The following ATRNL1 variants were observed in gnomAD, a reference collection of about 807,000 sequenced individuals.
ATRNL1 encodes the protein attractin like 1, also known as attractin-like protein 1.
ATRNL1 carries 95 observed loss-of-function variants against 182.7 expected under a neutral mutation model. The observed-to-expected ratio is 0.52, with a 90% CI of 0.44 to 0.62. The LOEUF (loss-of-function observed/expected upper bound fraction) is 0.62. ATRNL1 is among the 20% of genes least tolerant of loss of function. The probability of loss-of-function intolerance (pLI) is 0.00; values close to 1 mark genes in which losing one functional copy is unlikely to be tolerated. For missense variants in ATRNL1, 1,471 were observed against 1,679.5 expected, an observed-to-expected ratio of 0.88 and a Z score of 2.17; for synonymous variants, 576 against 568.3, an observed-to-expected ratio of 1.01 and a Z score of -0.19.
chr10:115,154,571 C>T (rs1334331081), intron 5 of ATRNL1, among the ~76,000 whole-genome samples: 1 of 152,002 alleles, frequency 6.6e-6, no homozygotes, highest in East Asian at 1.9e-4. Flanking sequence ...GCAACCCCTG[C>T]CCTTTTTTGT....
At chr10:115,141,983 T>A (rs1554878191) in intron 5 of ATRNL1, among the ~76,000 whole-genome samples, 4 of 152,194 alleles carry the variant, frequency 2.6e-5, no homozygotes, top group African/African-American at 9.7e-5. Context: ...ACAGTTTCTT[T>A]TTTTGAGCTT....
intron 28 of ATRNL1, among the ~76,000 whole-genome samples, chr10:115,894,453 G>T (rs895090450): frequency 2.0e-5 from 3 of 152,026 alleles, no homozygotes; most frequent in Admixed American, 6.6e-5. Context: ...GCACCCAAGA[G>T]AATTTTTTTT....
In ATRNL1 at chr10:115,261,282, A is replaced by G. The variant is rs1189622046; in HGVS notation, c.1688-3911A>G. Reference sequence around the variant, plus strand: ...GAGTGAAATAAAATTATTTTTTAGAATTGCAGATTCTCAAAAATATACCTC... The same window carrying G: ...GAGTGAAATAAAATTATTTTTTAGAGTTGCAGATTCTCAAAAATATACCTC... On this transcript the variant is annotated intron_variant, in intron 10 of 28. Transcript: ENST00000355044. Among the ~76,000 whole-genome samples, 3 of 152,198 alleles carry G rather than the reference A, an allele frequency of 2.0e-5. 1 individual carries two copies. The highest frequency in any genetic ancestry group is 2.9e-5 in the Non-Finnish European group (2 of 68,016).
chr10:115,338,781 A>G (rs1298967324), intron 19 of ATRNL1, among the ~76,000 whole-genome samples: 2 of 152,092 alleles, frequency 1.3e-5, no homozygotes, highest in African/African-American at 4.8e-5. Context: ...CTTACAGGGT[A>G]TTGTCCAAGA....
chr10:115,431,846 G>T (rs1482447166), intron 21 of ATRNL1, among the ~76,000 whole-genome samples: 1 of 151,324 alleles, frequency 6.6e-6, no homozygotes, highest in Non-Finnish European at 1.5e-5. Context: ...TTTTTCTTTG[G>T]TTTTTTAAAA....
chr10:115,682,051 A>G (rs1946062851), intron 26 of ATRNL1, among the ~76,000 whole-genome samples: 1 of 152,094 alleles, frequency 6.6e-6, no homozygotes, highest in African/African-American at 2.4e-5. Flanking sequence ...TTTAGACTTG[A>G]TAGAGGTCTA....
intron 26 of ATRNL1, among the ~76,000 whole-genome samples, chr10:115,703,300 A>T (rs571973730): frequency 1.3e-5 from 2 of 152,042 alleles, no homozygotes; most frequent in Non-Finnish European, 2.9e-5. Context: ...CTCAAACTAT[A>T]AGAATCCTAG....
chr10:115,461,890 A>G (rs1554969745), intron 21 of ATRNL1, 51 bp from the exon 22 acceptor site: 31 of 1,346,262 alleles, frequency 2.3e-5, no homozygotes, highest in Non-Finnish European at 3.2e-5. Flanking sequence ...TTTGCTTTTT[A>G]GACAGTTTTT....
chr10:115,692,508 A>C (rs1216943865), intron 26 of ATRNL1, among the ~76,000 whole-genome samples: 1 of 152,136 alleles, frequency 6.6e-6, no homozygotes, highest in Non-Finnish European at 1.5e-5. Context: ...CGGGCCCTTA[A>C]AAGTTTAACT....
At chr10:115,391,059 G>A (rs1554954204) in intron 19 of ATRNL1, among the ~76,000 whole-genome samples, 3 of 152,140 alleles carry the variant, frequency 2.0e-5, no homozygotes, top group South Asian at 4.1e-4. Context: ...AATCTTTAGG[G>A]TTTTCTGTAG....
rs1554862960 is a variant in ATRNL1 at position 115,095,716 on chromosome 10, G to A, written c.293+1673G>A. ...TTGTTAGTTGTTTTTTTTTGCTTGTGTTCTTAAACGTTTGCTATGACAGTA... is the reference window on the plus strand; with the variant it reads ...TTGTTAGTTGTTTTTTTTTGCTTGTATTCTTAAACGTTTGCTATGACAGTA... On this transcript the variant is annotated intron_variant, in intron 1 of 28. Coordinates refer to ENST00000355044, the MANE Select transcript of ATRNL1 (RefSeq NM_207303.4). Among the ~76,000 whole-genome samples, 2 of 151,662 alleles carry A rather than the reference G, an allele frequency of 1.3e-5. 1 individual carries two copies. The highest frequency in any genetic ancestry group is 4.8e-5 in the African/African-American group (2 of 41,324).
At position 115,226,563 on chromosome 10, in the gene ATRNL1, G is replaced by GA. The variant is rs11376641; in HGVS notation, c.1532+10694dup. ...ACCAATGTCATTCTTCCCAGAATTAGAAAAAAAAAAACTATCCTAAAATTA... is the reference window on the plus strand; with the variant it reads ...ACCAATGTCATTCTTCCCAGAATTAGAAAAAAAAAAAACTATCCTAAAATTA... On this transcript the variant is annotated intron_variant, in intron 9 of 28. Coordinates refer to ENST00000355044, the MANE Select transcript of ATRNL1 (RefSeq NM_207303.4). 2.0e-3 allele frequency among the ~76,000 whole-genome samples: 289 copies of GA among 145,570 alleles called. 1 individual carries two copies. The highest frequency in any genetic ancestry group is 5.6e-3 in the African/African-American group (224 of 40,198).
At chr10:115,698,705 G>A (rs545554474) in intron 26 of ATRNL1, among the ~76,000 whole-genome samples, 2 of 151,796 alleles carry the variant, frequency 1.3e-5, no homozygotes, top group South Asian at 2.1e-4. Flanking sequence ...TTGAACCTGC[G>A]AGGCAGAGGT....
At chr10:115,568,151 C>T (rs140819379) in intron 26 of ATRNL1, among the ~76,000 whole-genome samples, 383 of 152,150 alleles carry the variant, frequency 2.5e-3, no homozygotes, top group Non-Finnish European at 4.7e-3. Context: ...CTGGCAGAAG[C>T]TATTGTCATA....
intron 26 of ATRNL1, among the ~76,000 whole-genome samples, chr10:115,596,014 G>A (rs549563809): frequency 3.3e-5 from 5 of 152,192 alleles, no homozygotes; most frequent in African/African-American, 1.2e-4. Context: ...TAGAAAACAG[G>A]TATGAGCTAT....
chr10:115,290,073 GT>G (rs34824411), intron 15 of ATRNL1, among the ~76,000 whole-genome samples: 1,870 of 145,164 alleles, frequency 0.013, 35 homozygotes, highest in African/African-American at 0.041. Flanking sequence ...GTGTTTTGTA[GT>G]TTTTTTTTTT....
At chr10:115,511,360 C>T (rs765228655) in intron 24 of ATRNL1, among the ~76,000 whole-genome samples, 1 of 151,848 alleles carries the variant, frequency 6.6e-6, no homozygotes, top group South Asian at 2.1e-4. Flanking sequence ...CCTGAAACAG[C>T]CCGATTGTCT....
intron 19 of ATRNL1, among the ~76,000 whole-genome samples, chr10:115,352,742 A>G (rs1197207635): frequency 2.6e-5 from 4 of 152,158 alleles, no homozygotes; most frequent in Non-Finnish European, 5.9e-5. Flanking sequence ...TACTAAAAAT[A>G]CAAAAAAATT....
At chr10:115,392,795 GT>G (rs1465055191) in intron 19 of ATRNL1, among the ~76,000 whole-genome samples, 5 of 152,142 alleles carry the variant, frequency 3.3e-5, no homozygotes, top group Non-Finnish European at 7.4e-5. Flanking sequence ...TTTTACTTCA[GT>G]TTTCAGTTGA....
Sources: allele counts gnomAD v4.1 joint callset (sites outside exome capture counted in the v4.1 genomes callset), GRCh38; gene constraint gnomAD v4.1.1; transcripts MANE v1.5; gene names NCBI Gene and HGNC (gene_info 2026-07-23, HGNC 2026-07-21).